TMEM245: variants seen among roughly 807,000 people sequenced by gnomAD.
The protein encoded by TMEM245 is protein CG-2.
In TMEM245, 69 loss-of-function variants were observed where a neutral mutation model predicts 101.2. The observed-to-expected ratio is 0.68, with a 90% confidence interval of 0.56 to 0.83. The LOEUF is 0.83. Ranked by LOEUF, TMEM245 falls within the 40% of genes least tolerant of loss-of-function variation. The probability of loss-of-function intolerance (pLI) is 0.00; values close to 1 mark genes in which losing one functional copy is unlikely to be tolerated. For missense variants in TMEM245, 1,075 were observed against 1,092.8 expected (o/e 0.98, Z 0.23); for synonymous variants, 537 against 449.8 (o/e 1.19, Z -2.45).
intron 17 of TMEM245, among the ~76,000 whole-genome samples, chr9:109,029,867 G>C (rs1042614119): frequency 6.6e-6 from 1 of 152,154 alleles, no homozygotes; most frequent in African/African-American, 2.4e-5. Context: ...CTGGTGCAGA[G>C]CTTGAGATGG....
At chr9:109,040,881 T>A (rs548256853) in intron 14 of TMEM245, among the ~76,000 whole-genome samples, 1 of 152,358 alleles carries the variant, frequency 6.6e-6, no homozygotes, top group Non-Finnish European at 1.5e-5. Flanking sequence ...GGGGGTATTA[T>A]GAATAATGCT....
intron 16 of TMEM245, among the ~76,000 whole-genome samples, 174 bp from the exon 17 acceptor site, chr9:109,033,675 A>T (rs1344623196): frequency 9.0e-6 from 1 of 110,944 alleles, no homozygotes; most frequent in Non-Finnish European, 2.0e-5. Flanking sequence ...GAGATGCAAC[A>T]ATATTGAGAT....
At chr9:109,092,555 C>T (rs1223127117) in intron 4 of TMEM245, among the ~76,000 whole-genome samples, 1 of 152,184 alleles carries the variant, frequency 6.6e-6, no homozygotes, top group Non-Finnish European at 1.5e-5. Flanking sequence ...AAGAATGAGT[C>T]CAAAACCAAA....
chr9:109,108,605 T>C lies in TMEM245; in HGVS notation c.580-35A>G, dbSNP rs371952127. The C allele has an allele frequency of 2.6e-4, 374 of 1,452,620 alleles. 1 individual carries two copies. The Middle Eastern group carries it at 3.7e-3, about 14-fold the overall frequency. 90.0% of individuals were successfully genotyped at this position (1,452,620 alleles called of 1,614,324 possible). A position where few individuals can be genotyped will look rare whatever the true frequency, so the allele number is the denominator to read the frequency against. ...ATGAAAGACACAGCTGTAAAATCTA[T>C]ACACGTGAAAATGAACATACAATTA... On this transcript the variant is annotated intron_variant, in intron 1 of 17. Transcript: ENST00000374586.
intron 9 of TMEM245, 109 bp downstream of exon 9, chr9:109,073,247 C>G: frequency 1.2e-6 from 1 of 826,758 alleles, no homozygotes; most frequent in Non-Finnish European, 2.0e-6. Flanking sequence ...CTCTGGCAAA[C>G]CCTATCTTTT....
chr9:109,112,662 T>TAAAAAAC (rs960243634), intron 1 of TMEM245, among the ~76,000 whole-genome samples: 1 of 152,198 alleles, frequency 6.6e-6, no homozygotes, highest in Non-Finnish European at 1.5e-5. Context: ...ATCTTTGTTT[T>TAAAAAAC]AAAAAACAAA....
chr9:109,077,326 A>G (rs986016251), intron 8 of TMEM245, among the ~76,000 whole-genome samples: 16 of 151,988 alleles, frequency 1.1e-4, no homozygotes, highest in East Asian at 1.9e-4. Flanking sequence ...AATTTTTTCT[A>G]TTCTTTGTAG....
intron 1 of TMEM245, among the ~76,000 whole-genome samples, chr9:109,112,234 T>C (rs1171908576): frequency 1.3e-5 from 2 of 152,130 alleles, no homozygotes; most frequent in Non-Finnish European, 2.9e-5. Context: ...AGATTTATAC[T>C]GTAGCAGTAT....
chr9:109,018,557 A>G lies in TMEM245; in HGVS notation c.*1903T>C, dbSNP rs895818087. On this transcript the variant is annotated 3_prime_UTR_variant, in exon 18 of 18. Coordinates refer to ENST00000374586, the MANE Select transcript of TMEM245 (RefSeq NM_032012.4). ...GTATGCAGTCTACTCCATATAGTCA[A>G]AAGATCTCATGGTAGCCTTTTCTAA... 3.3e-5 allele frequency: 5 copies of G among 152,220 alleles called. No homozygotes were observed. The highest frequency in any genetic ancestry group is 1.3e-4 in the Admixed American group (2 of 15,284). The allele number at this position is 152,220 out of a possible 1,614,324, so 9.4% of individuals were successfully genotyped here. A position where few individuals can be genotyped will look rare whatever the true frequency, so the allele number is the denominator to read the frequency against.
At chr9:109,070,347 C>T (rs1373814795) in intron 9 of TMEM245, among the ~76,000 whole-genome samples, 1 of 152,160 alleles carries the variant, frequency 6.6e-6, no homozygotes. Context: ...GTTTCCCTAC[C>T]AAATCTGCTC....
chr9:109,093,997 A>C (rs1163266172), intron 3 of TMEM245, among the ~76,000 whole-genome samples: 1 of 152,246 alleles, frequency 6.6e-6, no homozygotes, highest in African/African-American at 2.4e-5. Flanking sequence ...GTACGAGATA[A>C]TCCACAATTG....
chr9:109,083,920 A>AAC (rs1449051240), intron 7 of TMEM245, among the ~76,000 whole-genome samples: 4 of 144,122 alleles, frequency 2.8e-5, no homozygotes, highest in Non-Finnish European at 4.6e-5. Flanking sequence ...AAAAAAAAAA[A>AAC]AAAAAAAAAC....
intron 9 of TMEM245, among the ~76,000 whole-genome samples, chr9:109,068,377 A>G (rs1829234063): frequency 6.6e-6 from 1 of 151,668 alleles, no homozygotes; most frequent in South Asian, 2.1e-4. Context: ...CTCAAAAAAA[A>G]AAAAAAAAAG....
Position 109,086,024 on chromosome 9 carries a change from G to A in TMEM245, c.1321-4C>T, listed in dbSNP as rs1038019191. 3 of 1,613,506 alleles carry A rather than the reference G, an allele frequency of 1.9e-6. No homozygotes were observed. Among genetic ancestry groups the A allele is most frequent in the African/African-American group, 1.3e-5 (1 of 74,566 alleles). The stretch of plus-strand genomic sequence containing the variant: ...TCTTATTTAGCCAGTGCCAGAGCTT[G>A]AGGATAGGGGGTAAGGTGAGAAAGA... On this transcript the variant is annotated splice_polypyrimidine_tract_variant and splice_region_variant and intron_variant, in intron 6 of 17. Coordinates refer to ENST00000374586, the MANE Select transcript of TMEM245 (RefSeq NM_032012.4).
chr9:109,075,187 T>C (rs1194605409), intron 8 of TMEM245, among the ~76,000 whole-genome samples: 1 of 152,228 alleles, frequency 6.6e-6, no homozygotes, highest in Non-Finnish European at 1.5e-5. Flanking sequence ...TAACCAACTG[T>C]TGGATGTTAA....
intron 8 of TMEM245, among the ~76,000 whole-genome samples, chr9:109,077,222 C>A (rs528325191): frequency 2.6e-5 from 4 of 152,108 alleles, no homozygotes; most frequent in African/African-American, 9.7e-5. Context: ...ACGATCACAG[C>A]TCACTGCAGC....
At chr9:109,023,696 C>T (rs1398165621) in intron 17 of TMEM245, among the ~76,000 whole-genome samples, 4 of 152,020 alleles carry the variant, frequency 2.6e-5, no homozygotes, top group South Asian at 2.1e-4. Flanking sequence ...ATTAGCCGGG[C>T]GTGGTCGCGG....
intron 14 of TMEM245, among the ~76,000 whole-genome samples, chr9:109,042,094 G>T (rs1164171488): frequency 6.6e-6 from 1 of 152,112 alleles, no homozygotes; most frequent in Admixed American, 6.5e-5. Flanking sequence ...GAACCCTGGA[G>T]ATAAATGGTA....
intron 8 of TMEM245, among the ~76,000 whole-genome samples, chr9:109,076,192 C>T (rs1829492780): frequency 6.6e-6 from 1 of 152,056 alleles, no homozygotes; most frequent in African/African-American, 2.4e-5. Context: ...CCATGGAATA[C>T]TATGCAGCCA....
Sources: gnomAD v4.1 joint callset for allele counts (sites outside exome capture counted in the v4.1 genomes callset) on GRCh38, gnomAD v4.1.1 for gene constraint, MANE v1.5 for transcripts, NCBI Gene and HGNC (gene_info 2026-07-23, HGNC 2026-07-21) for gene names.